Variants in SYT12 observed in about 807,000 individuals in gnomAD.
The protein encoded by SYT12 is synaptotagmin 12.
In SYT12, 27 loss-of-function variants were observed where a neutral mutation model predicts 39.5. The observed-to-expected ratio is 0.68, with a 90% CI of 0.50 to 0.94. The LOEUF (loss-of-function observed/expected upper bound fraction) is 0.94, where lower values mean the gene tolerates loss of function less well. SYT12 is among the 40% of genes least tolerant of loss of function. The pLI is 0.00. For synonymous variants in SYT12, 233 were observed against 239.7 expected (o/e 0.97, Z 0.26); for missense variants, 536 against 572.6 (o/e 0.94, Z 0.65).
At chr11:67,036,306 C>A (rs1950379821) in intron 3 of SYT12, among the ~76,000 whole-genome samples, 1 of 152,108 alleles carries the variant, frequency 6.6e-6, no homozygotes, top group South Asian at 2.1e-4. Flanking sequence ...GTATGAGATT[C>A]TTTTTTGTAC....
chr11:67,049,009 C>T lies in SYT12; in HGVS notation c.*252C>T, dbSNP rs1854668261. The T allele has an allele frequency of 4.8e-6, 2 of 412,810 alleles. No individual in the cohort carries two copies. The highest frequency in any genetic ancestry group is 7.0e-5 in the East Asian group (2 of 28,418). 25.6% of individuals were successfully genotyped at this position (412,810 alleles called of 1,614,324 possible). ...GGCCAGGACAGAGGACTCAACCCTG[C>T]TCCTCCCGGTAGGCCAGCTGCCGAG... On this transcript the variant is annotated 3_prime_UTR_variant, in exon 8 of 8. Transcript: ENST00000527043.
chr11:67,026,064 T>A (rs1406080449), intron 1 of SYT12, among the ~76,000 whole-genome samples: 1 of 150,480 alleles, frequency 6.6e-6, no homozygotes, highest in Non-Finnish European at 1.5e-5. Flanking sequence ...CTCAAAAAAA[T>A]AAATTAATTA....
intron 6 of SYT12, chr11:67,045,499 G>A (rs1950600228): frequency 2.6e-5 from 14 of 542,464 alleles, no homozygotes; most frequent in Non-Finnish European, 4.6e-5. Flanking sequence ...ATCCTAGGAG[G>A]GGAGCGCGTG....
chr11:67,012,939 G>T (rs1950023417), intron 3 of SYT12, among the ~76,000 whole-genome samples: 2 of 150,976 alleles, frequency 1.3e-5, no homozygotes. Flanking sequence ...AAGAGAGAAG[G>T]CTTTTGAAAC....
chr11:67,047,216 C>A (rs551520669), intron 7 of SYT12, among the ~76,000 whole-genome samples: 18 of 151,744 alleles, frequency 1.2e-4, no homozygotes, highest in Non-Finnish European at 1.9e-4. Context: ...CCACCCACTT[C>A]GGCCTTCCAA....
chr11:67,007,260 A>T (rs1181407001), exon 1 of SYT12: 1 of 152,100 alleles, frequency 6.6e-6, no homozygotes, highest in Non-Finnish European at 1.5e-5. Context: ...CCCAGAAGAC[A>T]CTCATCCCTA....
At chr11:67,045,908 A>C in intron 7 of SYT12, 31 bp downstream of exon 7, 1 of 1,612,702 alleles carries the variant, frequency 6.2e-7, no homozygotes. Flanking sequence ...GGAAGGGGCC[A>C]GGTCACCCCA....
intron 3 of SYT12, among the ~76,000 whole-genome samples, chr11:67,012,055 G>A (rs150075371): frequency 0.017 from 2,528 of 150,616 alleles, 32 homozygotes; most frequent in Non-Finnish European, 0.029. Flanking sequence ...GAGCCACTGC[G>A]CCCGGGCCAG....
At chr11:67,015,160 T>C (rs1950047141) in intron 3 of SYT12, among the ~76,000 whole-genome samples, 3 of 152,136 alleles carry the variant, frequency 2.0e-5, no homozygotes, top group Non-Finnish European at 4.4e-5. Flanking sequence ...CGCGGCTCCT[T>C]CTTAAGCTTC....
At chr11:67,026,221 G>C (rs1176596696) in intron 1 of SYT12, among the ~76,000 whole-genome samples, 1 of 152,162 alleles carries the variant, frequency 6.6e-6, no homozygotes, top group Non-Finnish European at 1.5e-5. Context: ...TCCTGTTGGA[G>C]TCGGGGGATG....
intron 3 of SYT12, among the ~76,000 whole-genome samples, chr11:67,035,659 A>T (rs369465034): frequency 3.3e-5 from 5 of 151,048 alleles, no homozygotes; most frequent in Admixed American, 6.6e-5. Flanking sequence ...GGGTTTCACC[A>T]TGTTAGCCAG....
upstream of SYT12, among the ~76,000 whole-genome samples, chr11:67,018,986 A>G (rs570916741): frequency 1.3e-5 from 2 of 152,308 alleles, no homozygotes; most frequent in African/African-American, 4.8e-5. Flanking sequence ...TTCCAACTGT[A>G]TTCATCGATT....
chr11:67,010,657 G>A (rs1950006960), intron 2 of SYT12, among the ~76,000 whole-genome samples: 1 of 152,200 alleles, frequency 6.6e-6, no homozygotes, highest in Non-Finnish European at 1.5e-5. Flanking sequence ...TGCCAGTGAG[G>A]CCCTGGGACC....
upstream of SYT12, among the ~76,000 whole-genome samples, chr11:67,021,452 G>A (rs1950109168): frequency 6.6e-6 from 1 of 151,868 alleles, no homozygotes; most frequent in South Asian, 2.1e-4. Context: ...GGGACTACAG[G>A]CATTTTTAGT....
rs542696616 is a variant in SYT12, at chr11:67,039,940, T to C, written c.358T>C (p.Leu120=). 1.2e-5 allele frequency: 20 copies of C among 1,613,478 alleles called. No individual in the cohort carries two copies. The African/African-American group carries it at 2.4e-4, about 19-fold the overall frequency. ...GCCTCTGGAGCTGATGGGCCGGGAG[T>C]TGGACCTGGCCCCCTATGGGACCCT... is the stretch of plus-strand genomic sequence containing the variant. ...LGPLELMGRE[L]DLAPYGTLRK... is the part of the protein sequence containing the mutation. Residue 120 remains leucine (L), a synonymous_variant, in exon 4 of 8, where the codon TTG becomes CTG. Transcript: ENST00000527043.
intron 4 of SYT12, 33 bp from the exon 5 acceptor site, chr11:67,043,605 C>T: frequency 1.2e-6 from 2 of 1,609,692 alleles, no homozygotes; most frequent in Non-Finnish European, 1.7e-6. Context: ...CCTCTCAGGC[C>T]CCTAGCGCCC....
At chr11:67,023,842 C>T (rs1019680822) in intron 1 of SYT12, among the ~76,000 whole-genome samples, 5 of 152,240 alleles carry the variant, frequency 3.3e-5, no homozygotes, top group African/African-American at 7.2e-5. Context: ...GGTCCCCATA[C>T]ACCCTGGAGG....
intron 2 of SYT12, among the ~76,000 whole-genome samples, chr11:67,034,196 C>T (rs2136215759): frequency 6.6e-6 from 1 of 152,340 alleles, no homozygotes; most frequent in East Asian, 1.9e-4. Context: ...TTTCTCCCAA[C>T]TTTCCAGCCC....
intron 3 of SYT12, among the ~76,000 whole-genome samples, chr11:67,035,790 T>TTTTCTTCCTTCCTTCC (rs1491375358): frequency 5.5e-5 from 4 of 73,226 alleles, no homozygotes; most frequent in African/African-American, 2.4e-4. Context: ...TTTTCTTTTC[T>TTTTCTTCCTTCCTTCC]TTCCTTCCTT....
Sources: gnomAD v4.1 joint callset for allele counts (sites outside exome capture counted in the v4.1 genomes callset) on GRCh38, gnomAD v4.1.1 for gene constraint, MANE v1.5 for transcripts, NCBI Gene and HGNC (gene_info 2026-07-23, HGNC 2026-07-21) for gene names.